Variants in ARID2 observed in about 807,000 individuals in gnomAD.
The protein encoded by ARID2 is AT-rich interactive domain-containing protein 2.
A neutral mutation model predicts 184.6 loss-of-function variants in ARID2; 32 were observed. That is an observed-to-expected ratio of 0.17 (90% CI 0.13 to 0.23). ARID2 has a LOEUF of 0.23. Among genes scored for constraint, ARID2 ranks in the 10% least tolerant of loss-of-function variants. ARID2 has a pLI of 1.00. For synonymous variants in ARID2, 836 were observed against 772.6 expected (o/e 1.08, Z -1.36); for missense variants, 1,696 against 2,197.6 (o/e 0.77, Z 4.56).
chr12:45,906,587 T>G lies in ARID2; in HGVS notation c.*1509T>G, dbSNP rs908337763. ...GTATGCTTAAGACATCTTAAAAATA[T>G]AGAGAGAATTCTAAATTCAGCTGAA... On this transcript the variant is annotated 3_prime_UTR_variant, in exon 21 of 21. Coordinates refer to ENST00000334344, the MANE Select transcript of ARID2 (RefSeq NM_152641.4). The G allele has an allele frequency of 4.3e-6, 1 of 232,630 alleles. No individual in the cohort carries two copies. The highest frequency in any genetic ancestry group is 8.5e-6 in the Non-Finnish European group (1 of 117,660). 14.4% of individuals were successfully genotyped at this position (232,630 alleles called of 1,614,324 possible).
intron 20 of ARID2, among the ~76,000 whole-genome samples, chr12:45,897,058 C>T (rs1206440715): frequency 2.0e-5 from 3 of 152,086 alleles, no homozygotes; most frequent in Non-Finnish European, 4.4e-5. Context: ...ATCAAAACAG[C>T]GTGGTACTGG....
chr12:45,878,287 C>G (rs1402068813), intron 16 of ARID2, among the ~76,000 whole-genome samples: 1 of 152,104 alleles, frequency 6.6e-6, no homozygotes, highest in African/African-American at 2.4e-5. Context: ...GGAAAATTCT[C>G]ACTTCGTTCT....
chr12:45,748,796 A>G (rs1941407232), intron 3 of ARID2, among the ~76,000 whole-genome samples: 1 of 151,964 alleles, frequency 6.6e-6, no homozygotes, highest in South Asian at 2.1e-4. Context: ...ATCTCAATAA[A>G]CCATTTTCTT....
chr12:45,809,656 A>G (rs1310820877), intron 3 of ARID2, among the ~76,000 whole-genome samples: 1 of 152,218 alleles, frequency 6.6e-6, no homozygotes, highest in Non-Finnish European at 1.5e-5. Flanking sequence ...TGTTTTATCT[A>G]CAACCATAAA....
intron 16 of ARID2, among the ~76,000 whole-genome samples, chr12:45,879,849 T>C (rs1311023720): frequency 6.6e-6 from 1 of 152,216 alleles, no homozygotes; most frequent in Non-Finnish European, 1.5e-5. Context: ...TTTTTGAGAC[T>C]CCCTCAAAAG....
intron 3 of ARID2, among the ~76,000 whole-genome samples, chr12:45,786,280 A>G (rs138948720): frequency 6.6e-6 from 1 of 152,232 alleles, no homozygotes; most frequent in Non-Finnish European, 1.5e-5. Flanking sequence ...AGAATCCTTA[A>G]GAAAACTACA....
At chr12:45,886,377 G>C (rs1322585786) in intron 16 of ARID2, among the ~76,000 whole-genome samples, 2 of 151,938 alleles carry the variant, frequency 1.3e-5, no homozygotes, top group Admixed American at 6.6e-5. Flanking sequence ...AGGATACAGT[G>C]CCCCCCCCGG....
intron 4 of ARID2, among the ~76,000 whole-genome samples, chr12:45,814,431 C>G (rs1045774970): frequency 3.9e-5 from 6 of 152,170 alleles, no homozygotes; most frequent in Admixed American, 6.5e-5. Flanking sequence ...TGGTGGATCA[C>G]CTGAGGTCAG....
chr12:45,764,735 A>G lies in ARID2; in HGVS notation c.284+33421A>G, dbSNP rs115059237. 6.1e-3 allele frequency among the ~76,000 whole-genome samples: 927 copies of G among 152,344 alleles called. 15 individuals are homozygous for G. The highest frequency in any genetic ancestry group is 0.021 in the African/African-American group (864 of 41,572). On this transcript the variant is annotated intron_variant, in intron 3 of 20. Coordinates refer to ENST00000334344, the MANE Select transcript of ARID2 (RefSeq NM_152641.4). ...AAGTAGTGTTCTGTTGTGTGGATAT[A>G]CTGAAGATTCTTTATTCTTTTTTAG...
At chr12:45,781,417 C>G in intron 3 of ARID2, among the ~76,000 whole-genome samples, 1 of 5,780 alleles carries the variant, frequency 1.7e-4, no homozygotes, top group Non-Finnish European at 3.9e-4. Flanking sequence ...TCAGTACTTG[C>G]CTAGTATAAC....
intron 3 of ARID2, among the ~76,000 whole-genome samples, chr12:45,731,681 T>C (rs1286786275): frequency 6.6e-6 from 1 of 152,092 alleles, no homozygotes; most frequent in Non-Finnish European, 1.5e-5. Flanking sequence ...GGGAAAATTT[T>C]TTTCTTTGTT....
At chr12:45,736,100 G>A (rs1339742630) in intron 3 of ARID2, among the ~76,000 whole-genome samples, 1 of 152,174 alleles carries the variant, frequency 6.6e-6, no homozygotes, top group Non-Finnish European at 1.5e-5. Context: ...CTCACGCCCT[G>A]TAATCCCAAC....
chr12:45,838,374 T>G (rs370286351), intron 10 of ARID2, among the ~76,000 whole-genome samples: 51 of 152,346 alleles, frequency 3.3e-4, no homozygotes, highest in African/African-American at 1.0e-3. Flanking sequence ...AGATTCAGCT[T>G]GAAAACTGTT....
chr12:45,853,269 A>G (rs1306583831), intron 15 of ARID2, among the ~76,000 whole-genome samples: 1 of 152,074 alleles, frequency 6.6e-6, no homozygotes, highest in Non-Finnish European at 1.5e-5. Flanking sequence ...GGATTTCTGT[A>G]TTTGATTTTG....
chr12:45,874,649 A>G (rs781310482), intron 16 of ARID2, among the ~76,000 whole-genome samples: 1 of 152,214 alleles, frequency 6.6e-6, no homozygotes, highest in Non-Finnish European at 1.5e-5. Context: ...ATTCATGAGA[A>G]TTGGAATCAA....
intron 20 of ARID2, among the ~76,000 whole-genome samples, chr12:45,895,505 G>C (rs1944357692): frequency 6.6e-6 from 1 of 152,180 alleles, no homozygotes; most frequent in Non-Finnish European, 1.5e-5. Context: ...TTGATAGACA[G>C]GTGGTGGGAA....
chr12:45,768,936 A>T (rs1194502647), intron 3 of ARID2, among the ~76,000 whole-genome samples: 1 of 152,314 alleles, frequency 6.6e-6, no homozygotes, highest in Non-Finnish European at 1.5e-5. Flanking sequence ...CTGTCATTTC[A>T]TGGTGACTTT....
At chr12:45,888,223 G>A (rs35122) in intron 16 of ARID2, among the ~76,000 whole-genome samples, 91,713 of 151,166 alleles carry the variant, frequency 0.61, 29,558 homozygotes, top group African/African-American at 0.85. Flanking sequence ...CTAATGAAAT[G>A]AACTTATTTT....
intron 3 of ARID2, among the ~76,000 whole-genome samples, chr12:45,791,351 T>A (rs1256486778): frequency 1.3e-5 from 2 of 152,236 alleles, no homozygotes; most frequent in Non-Finnish European, 2.9e-5. Flanking sequence ...CCATATTTTT[T>A]AATGTGGCAA....
Sources: gnomAD v4.1 joint callset for allele counts (sites outside exome capture counted in the v4.1 genomes callset) on GRCh38, gnomAD v4.1.1 for gene constraint, MANE v1.5 for transcripts, NCBI Gene and HGNC (gene_info 2026-07-23, HGNC 2026-07-21) for gene names.